CEP135: variants seen among roughly 807,000 people sequenced by gnomAD.
CEP135 encodes centrosomal protein of 135 kDa.
Under a neutral mutation model 157.3 loss-of-function variants are expected in CEP135, and 142 were observed. The ratio of observed to expected loss-of-function variants is 0.90; its 90% confidence interval spans 0.79 to 1.04. The LOEUF is 1.04. Among genes scored for constraint, CEP135 ranks in the 50% least tolerant of loss-of-function variants. CEP135 has a pLI of 0.00. For missense variants in CEP135, 1,317 were observed against 1,309.2 expected (o/e 1.01, Z -0.09); for synonymous variants, 396 against 439.8 (o/e 0.90, Z 1.25).
At chr4:55,991,635 A>G (rs1426538610) in intron 14 of CEP135, among the ~76,000 whole-genome samples, 1 of 151,888 alleles carries the variant, frequency 6.6e-6, no homozygotes, top group Non-Finnish European at 1.5e-5. Flanking sequence ...TGTTTTAGAA[A>G]TTCCCCAAAA....
At chr4:55,964,711 GAA>G (rs1480870091) in intron 7 of CEP135, among the ~76,000 whole-genome samples, 3 of 152,010 alleles carry the variant, frequency 2.0e-5, no homozygotes, top group Non-Finnish European at 4.4e-5. Flanking sequence ...TATGGACTTG[GAA>G]AGAGAAAACG....
intron 13 of CEP135, among the ~76,000 whole-genome samples, chr4:55,981,692 C>T (rs756209582): frequency 3.3e-5 from 5 of 152,084 alleles, no homozygotes; most frequent in Admixed American, 6.6e-5. Context: ...TATGGGAAGA[C>T]AGTATCTTTG....
chr4:55,982,627 T>C (rs1368017388), intron 13 of CEP135, among the ~76,000 whole-genome samples: 1 of 152,220 alleles, frequency 6.6e-6, no homozygotes, highest in Non-Finnish European at 1.5e-5. Context: ...GTTGTCTCAT[T>C]ATTAAGTTGT....
At chr4:56,014,923 G>A (rs1283578724) in intron 21 of CEP135, among the ~76,000 whole-genome samples, 1 of 152,080 alleles carries the variant, frequency 6.6e-6, no homozygotes, top group Non-Finnish European at 1.5e-5. Flanking sequence ...AGCCAAACAT[G>A]GTGGCACGTG....
intron 1 of CEP135, among the ~76,000 whole-genome samples, chr4:55,950,885 A>G (rs1466933675): frequency 1.3e-5 from 2 of 152,330 alleles, no homozygotes; most frequent in East Asian, 3.9e-4. Context: ...TAATATTTTC[A>G]TTACCCTAAA....
At chr4:55,954,597 C>T (rs1728454626) in intron 4 of CEP135, among the ~76,000 whole-genome samples, 1 of 152,098 alleles carries the variant, frequency 6.6e-6, no homozygotes, top group Admixed American at 6.5e-5. Context: ...GTATTAGTTA[C>T]TTAGATACTA....
chr4:55,971,590 A>G (rs1729029426), intron 10 of CEP135, among the ~76,000 whole-genome samples, 182 bp downstream of exon 10: 1 of 152,148 alleles, frequency 6.6e-6, no homozygotes, highest in Non-Finnish European at 1.5e-5. Context: ...GGACCTTAGA[A>G]TTTTTATGTT....
chr4:55,999,206 A>G, intron 15 of CEP135, 96 bp from the exon 16 acceptor site: 1 of 925,950 alleles, frequency 1.1e-6, no homozygotes, highest in Non-Finnish European at 1.6e-6. Flanking sequence ...AACTTTAAAA[A>G]TAAGACATCA....
chr4:56,014,850 G>A (rs915151599), intron 21 of CEP135, among the ~76,000 whole-genome samples: 6 of 152,088 alleles, frequency 3.9e-5, no homozygotes, highest in African/African-American at 4.8e-5. Context: ...ACTACGCTCA[G>A]GAGTTCAAGA....
At chr4:55,994,781 C>T (rs560535477) in intron 15 of CEP135, among the ~76,000 whole-genome samples, 1 of 151,232 alleles carries the variant, frequency 6.6e-6, no homozygotes, top group African/African-American at 2.4e-5. Flanking sequence ...TACCTCCCAG[C>T]TTCAAGCAAT....
intron 11 of CEP135, among the ~76,000 whole-genome samples, chr4:55,976,702 G>A (rs1394878457): frequency 6.6e-6 from 1 of 152,180 alleles, no homozygotes; most frequent in Non-Finnish European, 1.5e-5. Flanking sequence ...TAAAGTGCAG[G>A]CATGAAAGAG....
At chr4:55,994,433 G>A (rs143871381) in intron 15 of CEP135, among the ~76,000 whole-genome samples, 132 of 152,280 alleles carry the variant, frequency 8.7e-4, no homozygotes, top group African/African-American at 3.0e-3. Flanking sequence ...TATATCCCTA[G>A]CTACCCGAGA....
intron 24 of CEP135, among the ~76,000 whole-genome samples, chr4:56,021,187 C>T (rs1008031500): frequency 1.3e-5 from 2 of 152,058 alleles, no homozygotes; most frequent in African/African-American, 4.8e-5. Context: ...TAGGATGTTC[C>T]ACATACAAAT....
At position 55,964,267 on chromosome 4, in the gene CEP135, T is replaced by C; in HGVS notation, c.700-7T>C. On this transcript the variant is annotated splice_region_variant and splice_polypyrimidine_tract_variant and intron_variant, in intron 6 of 25. Coordinates refer to ENST00000257287, the MANE Select transcript of CEP135 (RefSeq NM_025009.5). ...TTTTTAAAATGACAGCATGACTATATCTTCAGATTGAGCTAAGAGAACGAG... is the reference window on the plus strand; with the variant it reads ...TTTTTAAAATGACAGCATGACTATACCTTCAGATTGAGCTAAGAGAACGAG... The C allele has an allele frequency of 6.2e-7, 1 of 1,602,440 alleles. No individual in the cohort carries two copies. The highest frequency in any genetic ancestry group is 8.5e-7 in the Non-Finnish European group (1 of 1,176,048).
intron 12 of CEP135, 126 bp from the exon 13 acceptor site, chr4:55,981,101 T>G (rs963294358): frequency 6.5e-5 from 52 of 796,008 alleles, no homozygotes; most frequent in Non-Finnish European, 9.6e-5. Context: ...TTGTTGGGAT[T>G]TGCGAAGAGA....
At chr4:55,962,938 A>G (rs1728730185) in intron 6 of CEP135, among the ~76,000 whole-genome samples, 1 of 149,266 alleles carries the variant, frequency 6.7e-6, no homozygotes, top group South Asian at 2.2e-4. Context: ...CCATATACCC[A>G]CCTTTACATT....
intron 11 of CEP135, 50 bp downstream of exon 11, chr4:55,975,019 T>G (rs1444056361): frequency 7.5e-7 from 1 of 1,331,498 alleles, no homozygotes; most frequent in Non-Finnish European, 1.0e-6. Context: ...ATGAATAAAT[T>G]TTTCTGGTTT....
intron 21 of CEP135, among the ~76,000 whole-genome samples, chr4:56,016,787 G>A (rs548413993): frequency 4.6e-5 from 7 of 151,874 alleles, no homozygotes; most frequent in East Asian, 1.9e-4. Context: ...GTGATCTCCC[G>A]CCTCAGCCTC....
chr4:55,952,900 G>T (rs1728401361), intron 2 of CEP135, among the ~76,000 whole-genome samples, 185 bp from the exon 3 acceptor site: 1 of 152,178 alleles, frequency 6.6e-6, no homozygotes, highest in African/African-American at 2.4e-5. Context: ...GAGGCAATAG[G>T]AATTTTTCAG....
Sources: gnomAD v4.1 joint callset for allele counts (sites outside exome capture counted in the v4.1 genomes callset) on GRCh38, gnomAD v4.1.1 for gene constraint, MANE v1.5 for transcripts, NCBI Gene and HGNC (gene_info 2026-07-23, HGNC 2026-07-21) for gene names.